Variants in NRG1 observed in about 807,000 individuals in gnomAD.
The protein encoded by NRG1 is neuregulin 1.
In NRG1, 18 loss-of-function variants were observed where a neutral mutation model predicts 63.8. That is an observed-to-expected ratio of 0.28 (90% CI 0.19 to 0.42). The LOEUF (loss-of-function observed/expected upper bound fraction) is 0.42. Among genes scored for constraint, NRG1 ranks in the 10% least tolerant of loss-of-function variants. The pLI, the probability that NRG1 is intolerant of heterozygous loss-of-function variation, is 1.00. For missense variants in NRG1, 762 were observed against 814.7 expected (o/e 0.94, Z 0.79); for synonymous variants, 302 against 301.3 (o/e 1.00, Z -0.02).
chr8:32,033,187 CG>C, intron 1 of NRG1, among the ~76,000 whole-genome samples: 1 of 151,306 alleles, frequency 6.6e-6, no homozygotes, highest in South Asian at 2.1e-4. Context: ...CTCCACCTCC[CG>C]GGTTTACACC....
In NRG1 at chr8:32,133,013, C is replaced by A. The variant is rs185093062; in HGVS notation, c.38-462815C>A. ...TTCCCACTCCTCCCCCCTTTCCCCCCACTCTCTCTCTCTTTCTTCCTATGA... is the reference window on the plus strand; with the variant it reads ...TTCCCACTCCTCCCCCCTTTCCCCCAACTCTCTCTCTCTTTCTTCCTATGA... On this transcript the variant is annotated intron_variant, in intron 1 of 10. Coordinates refer to the NRG1 transcript ENST00000519301. Among the ~76,000 whole-genome samples the A allele has an allele frequency of 1.8e-3, 270 of 151,820 alleles. 1 individual carries two copies. Among genetic ancestry groups the A allele is most frequent in the African/African-American group, 6.1e-3 (254 of 41,428 alleles).
intron 5 of NRG1, among the ~76,000 whole-genome samples, chr8:32,694,264 C>A (rs1299400319): frequency 6.6e-6 from 1 of 152,102 alleles, no homozygotes; most frequent in Non-Finnish European, 1.5e-5. Context: ...AATTTAAAGC[C>A]TAGATTGCAG....
At chr8:32,568,123 G>A (rs1272543952) in intron 1 of NRG1, among the ~76,000 whole-genome samples, 1 of 152,188 alleles carries the variant, frequency 6.6e-6, no homozygotes, top group Non-Finnish European at 1.5e-5. Context: ...ATATGGTTAG[G>A]ATATGAATGG....
At chr8:32,261,750 C>T (rs1374889546) in intron 1 of NRG1, among the ~76,000 whole-genome samples, 1 of 152,146 alleles carries the variant, frequency 6.6e-6, no homozygotes, top group East Asian at 1.9e-4. Context: ...CTAAAACAGA[C>T]ATTCAATTTT....
exon 1 of NRG1, chr8:32,548,402 C>T (rs1012041776): frequency 1.2e-5 from 13 of 1,083,212 alleles, no homozygotes; most frequent in East Asian, 6.0e-5. Context: ...CGGTGATAAC[C>T]TCTCCCCGAT....
At chr8:32,335,158 C>T (rs1803103855) in intron 1 of NRG1, among the ~76,000 whole-genome samples, 1 of 152,060 alleles carries the variant, frequency 6.6e-6, no homozygotes, top group Non-Finnish European at 1.5e-5. Flanking sequence ...TGGAAATGCT[C>T]CGTAGATACC....
chr8:32,391,151 G>A (rs1756380027), intron 1 of NRG1, among the ~76,000 whole-genome samples: 1 of 151,944 alleles, frequency 6.6e-6, no homozygotes, highest in African/African-American at 2.4e-5. Context: ...CTGGTGGCAG[G>A]ACAGGGTCTC....
intron 1 of NRG1, among the ~76,000 whole-genome samples, chr8:32,296,898 C>A (rs750384269): frequency 8.5e-5 from 13 of 152,052 alleles, no homozygotes; most frequent in Admixed American, 1.3e-4. Flanking sequence ...GGGTGGATCA[C>A]AAGGTCAAGA....
intron 1 of NRG1, among the ~76,000 whole-genome samples, chr8:32,331,635 A>C (rs896750154): frequency 8.5e-5 from 13 of 152,346 alleles, no homozygotes; most frequent in Admixed American, 5.9e-4. Flanking sequence ...TCAAAATCAT[A>C]TGCCCTGGGG....
At chr8:31,958,080 T>TAGATAGATAGATAGAA (rs781754647) in intron 1 of NRG1, among the ~76,000 whole-genome samples, 1 of 151,672 alleles carries the variant, frequency 6.6e-6, no homozygotes, top group African/African-American at 2.4e-5. Context: ...GATAGATAGA[T>TAGATAGATAGATAGAA]AGACAGACAG....
At chr8:32,080,761 G>T (rs1359871075) in intron 1 of NRG1, among the ~76,000 whole-genome samples, 1 of 15,524 alleles carries the variant, frequency 6.4e-5, no homozygotes, top group African/African-American at 2.1e-4. Flanking sequence ...ATTTGTGTGT[G>T]TGCGTGTGTG....
chr8:31,797,150 A>G (rs993643094), intron 1 of NRG1, among the ~76,000 whole-genome samples: 1 of 152,150 alleles, frequency 6.6e-6, no homozygotes, highest in Non-Finnish European at 1.5e-5. Flanking sequence ...AAATTGTATT[A>G]TCACTCTCTT....
chr8:31,687,114 A>G (rs975637941), intron 1 of NRG1, among the ~76,000 whole-genome samples: 1 of 152,108 alleles, frequency 6.6e-6, no homozygotes, highest in African/African-American at 2.4e-5. Context: ...AGGTTTTGGT[A>G]CCTTGTTGTT....
At chr8:32,469,094 T>A (rs1823447094) in intron 1 of NRG1, among the ~76,000 whole-genome samples, 1 of 152,158 alleles carries the variant, frequency 6.6e-6, no homozygotes, top group African/African-American at 2.4e-5. Flanking sequence ...ATGGAGGTGA[T>A]GTGGAAGTCT....
At chr8:32,476,155 A>G (rs1416927433) in intron 1 of NRG1, among the ~76,000 whole-genome samples, 2 of 152,202 alleles carry the variant, frequency 1.3e-5, no homozygotes, top group Admixed American at 1.3e-4. Context: ...AAATTGGGGA[A>G]AAAAGGAAAA....
chr8:32,259,220 A>C (rs558204611), intron 1 of NRG1, among the ~76,000 whole-genome samples: 8 of 152,346 alleles, frequency 5.3e-5, no homozygotes, highest in African/African-American at 1.9e-4. Flanking sequence ...GTCCCTATCA[A>C]AACTCAGGTT....
chr8:32,394,335 G>A (rs1277427725), intron 1 of NRG1, among the ~76,000 whole-genome samples: 1 of 152,118 alleles, frequency 6.6e-6, no homozygotes, highest in African/African-American at 2.4e-5. Flanking sequence ...ATTCTTTCCT[G>A]TTATCCAGCT....
intron 1 of NRG1, among the ~76,000 whole-genome samples, chr8:32,459,447 TCTC>T (rs1822031223): frequency 6.6e-6 from 1 of 152,058 alleles, no homozygotes. Flanking sequence ...TCTAACAAAT[TCTC>T]CTTAAAACAG....
At chr8:32,049,764 T>C (rs2130795897) in intron 1 of NRG1, among the ~76,000 whole-genome samples, 1 of 152,220 alleles carries the variant, frequency 6.6e-6, no homozygotes, top group East Asian at 1.9e-4. Flanking sequence ...AAAGGGAAGA[T>C]GATGATTTTC....
Sources: allele counts gnomAD v4.1 joint callset (sites outside exome capture counted in the v4.1 genomes callset), GRCh38; gene constraint gnomAD v4.1.1; transcripts MANE v1.5; gene names NCBI Gene and HGNC (gene_info 2026-07-23, HGNC 2026-07-21).